Variants in SAMSN1 observed in about 807,000 individuals in gnomAD.
The protein encoded by SAMSN1 is SAM domain-containing protein SAMSN-1.
In SAMSN1, 31 loss-of-function variants were observed where a neutral mutation model predicts 42.0. The ratio of observed to expected loss-of-function variants is 0.74; its 90% confidence interval spans 0.55 to 1.00. The LOEUF (loss-of-function observed/expected upper bound fraction) is 1.00, where lower values mean the gene tolerates loss of function less well. SAMSN1 is among the 50% of genes least tolerant of loss of function. The pLI is 0.00. For synonymous variants in SAMSN1, 178 were observed against 151.9 expected, an observed-to-expected ratio of 1.17 and a Z score of -1.26; for missense variants, 464 against 439.4, an observed-to-expected ratio of 1.06 and a Z score of -0.50.
intron 6 of SAMSN1, among the ~76,000 whole-genome samples, chr21:14,595,156 C>T (rs963129079): frequency 5.3e-5 from 8 of 152,124 alleles, no homozygotes; most frequent in African/African-American, 1.9e-4. Context: ...GATCTAATCA[C>T]CTCCTACCAG....
At chr21:14,532,910 T>G (rs1376092028) in intron 1 of SAMSN1, among the ~76,000 whole-genome samples, 2 of 151,616 alleles carry the variant, frequency 1.3e-5, no homozygotes, top group South Asian at 2.1e-4. Context: ...TATTATTTAT[T>G]TATTTATTTA....
At chr21:14,499,550 G>C (rs543851704) in intron 6 of SAMSN1, among the ~76,000 whole-genome samples, 1 of 147,700 alleles carries the variant, frequency 6.8e-6, no homozygotes, top group African/African-American at 2.5e-5. Flanking sequence ...CTTTAAAAAA[G>C]TATATTCTTA....
intron 1 of SAMSN1, among the ~76,000 whole-genome samples, chr21:14,521,803 C>T (rs1978502303): frequency 6.6e-6 from 1 of 151,860 alleles, no homozygotes; most frequent in South Asian, 2.1e-4. Context: ...TGCAGCAAAA[C>T]ACCATGGCAC....
rs116501166 is a variant in SAMSN1 at position 14,503,689 on chromosome 21, G to A, written c.562-2954C>T. The stretch of plus-strand genomic sequence containing the variant: ...AACTTAAAAAGTACTAGACATTTCC[G>A]GGGCATCATGGCAGACGGCAGGCAG... On this transcript the variant is annotated intron_variant, in intron 5 of 7. Coordinates refer to ENST00000400566, the MANE Select transcript of SAMSN1 (RefSeq NM_022136.5). 7.5e-3 allele frequency among the ~76,000 whole-genome samples: 1,137 copies of A among 152,238 alleles called. 12 individuals are homozygous for A. Among genetic ancestry groups the A allele is most frequent in the African/African-American group, 0.025 (1,027 of 41,546 alleles).
chr21:14,497,286 G>T (rs1276498235), intron 7 of SAMSN1, among the ~76,000 whole-genome samples: 1 of 152,160 alleles, frequency 6.6e-6, no homozygotes, highest in Admixed American at 6.5e-5. Flanking sequence ...TAAAAATGTA[G>T]TTAATAATTA....
chr21:14,578,312 T>G (rs1257355309), intron 2 of SAMSN1, among the ~76,000 whole-genome samples: 1 of 152,014 alleles, frequency 6.6e-6, no homozygotes, highest in Admixed American at 6.5e-5. Flanking sequence ...GGAGCTGCAT[T>G]AAATCCATCA....
At chr21:14,547,398 C>T (rs998918464), upstream of SAMSN1, among the ~76,000 whole-genome samples, 3 of 151,936 alleles carry the variant, frequency 2.0e-5, no homozygotes, top group African/African-American at 2.4e-5. Context: ...TAAGAGTTTC[C>T]CCATGGTTTA....
intron 5 of SAMSN1, 134 bp downstream of exon 5, chr21:14,510,176 G>A (rs1308709475): frequency 2.1e-5 from 17 of 826,540 alleles, no homozygotes; most frequent in Non-Finnish European, 3.1e-5. Context: ...TCTTAGTACT[G>A]TAAGCTAGCC....
chr21:14,619,175 T>A (rs77617018), intron 2 of SAMSN1, among the ~76,000 whole-genome samples: 1 of 152,216 alleles, frequency 6.6e-6, no homozygotes, highest in African/African-American at 2.4e-5. Context: ...ATGCAGAGGT[T>A]ACAGATGACT....
chr21:14,548,379 G>C (rs1051814776), upstream of SAMSN1, among the ~76,000 whole-genome samples: 3 of 152,070 alleles, frequency 2.0e-5, no homozygotes, highest in African/African-American at 7.2e-5. Flanking sequence ...GCTTGCTATA[G>C]GTTACATTTC....
chr21:14,547,633 G>A (rs1304955865), upstream of SAMSN1, among the ~76,000 whole-genome samples: 1 of 152,030 alleles, frequency 6.6e-6, no homozygotes, highest in African/African-American at 2.4e-5. Flanking sequence ...TTTTCCACGT[G>A]ACAAATCAAC....
At chr21:14,654,795 G>T (rs1047239084) in intron 1 of SAMSN1, among the ~76,000 whole-genome samples, 16 of 151,940 alleles carry the variant, frequency 1.1e-4, no homozygotes, top group Non-Finnish European at 2.1e-4. Flanking sequence ...TGGGGCATCA[G>T]GAAGACATGA....
chr21:14,527,440 C>T (rs1386279371), intron 1 of SAMSN1, among the ~76,000 whole-genome samples: 1 of 152,164 alleles, frequency 6.6e-6, no homozygotes, highest in East Asian at 1.9e-4. Flanking sequence ...AGCTGTAAAG[C>T]CTCGTCTTCG....
At chr21:14,581,756 A>T (rs948282794) in intron 2 of SAMSN1, among the ~76,000 whole-genome samples, 54 of 152,190 alleles carry the variant, frequency 3.5e-4, no homozygotes, top group Admixed American at 1.3e-4. Flanking sequence ...TAAAATGCTT[A>T]GGAAAATGGC....
chr21:14,551,096 T>C (rs745918747), upstream of SAMSN1, among the ~76,000 whole-genome samples: 1 of 152,028 alleles, frequency 6.6e-6, no homozygotes, highest in Non-Finnish European at 1.5e-5. Context: ...TAGAATGTAT[T>C]GACAGAAAAG....
intron 2 of SAMSN1, among the ~76,000 whole-genome samples, chr21:14,575,954 C>T (rs184614547): frequency 1.0e-3 from 152 of 152,182 alleles, no homozygotes; most frequent in Non-Finnish European, 1.5e-3. Flanking sequence ...AACTTCACTA[C>T]TGTTTATCAA....
chr21:14,623,270 T>C (rs1296272406), intron 2 of SAMSN1, among the ~76,000 whole-genome samples: 2 of 152,130 alleles, frequency 1.3e-5, no homozygotes, highest in Non-Finnish European at 2.9e-5. Flanking sequence ...CACATAACAA[T>C]ATTAACCTTA....
intron 2 of SAMSN1, among the ~76,000 whole-genome samples, chr21:14,623,683 T>C (rs1397581445): frequency 5.3e-5 from 8 of 152,110 alleles, no homozygotes; most frequent in Admixed American, 5.2e-4. Flanking sequence ...AATGGGAGAC[T>C]TTAACACCTC....
exon 2 of SAMSN1, chr21:14,582,407 C>T: frequency 1.9e-6 from 3 of 1,549,760 alleles, no homozygotes; most frequent in Non-Finnish European, 2.6e-6. Context: ...TTCTTCCTTC[C>T]TCCTCGTGCT....
Sources: allele counts gnomAD v4.1 joint callset (sites outside exome capture counted in the v4.1 genomes callset), GRCh38; gene constraint gnomAD v4.1.1; transcripts MANE v1.5; gene names NCBI Gene and HGNC (gene_info 2026-07-23, HGNC 2026-07-21).